The following GSE1 variants were observed in gnomAD, a reference collection of about 807,000 sequenced individuals.
The protein encoded by GSE1 is genetic suppressor element 1.
In GSE1, 32 loss-of-function variants were observed where a neutral mutation model predicts 112.6. That is an observed-to-expected ratio of 0.28 (90% CI 0.21 to 0.38). The LOEUF (loss-of-function observed/expected upper bound fraction) is 0.38. Ranked by LOEUF, GSE1 falls within the 10% of genes least tolerant of loss-of-function variation. The probability of loss-of-function intolerance (pLI) is 1.00; values close to 1 mark genes in which losing one functional copy is unlikely to be tolerated. For synonymous variants in GSE1, 1,115 were observed against 735.6 expected (o/e 1.52, Z -8.35); for missense variants, 2,348 against 1,699.2 (o/e 1.38, Z -6.71).
intron 1 of GSE1, among the ~76,000 whole-genome samples, chr16:85,566,114 G>A (rs2045736406): frequency 6.6e-6 from 1 of 152,202 alleles, no homozygotes; most frequent in Non-Finnish European, 1.5e-5. Flanking sequence ...AGAAGGGAGG[G>A]ACCAAGCGCT....
intron 2 of GSE1, among the ~76,000 whole-genome samples, chr16:85,359,135 G>T (rs187388693): frequency 6.6e-6 from 1 of 152,354 alleles, no homozygotes; most frequent in East Asian, 1.9e-4. Flanking sequence ...CTGGGTGGCA[G>T]CTCAGGCTGG....
At chr16:85,175,707 G>A (rs948596911) in intron 1 of GSE1, among the ~76,000 whole-genome samples, 13 of 152,190 alleles carry the variant, frequency 8.5e-5, no homozygotes, top group African/African-American at 4.8e-5. Flanking sequence ...TGTTGGGGGC[G>A]GCATTTGGGG....
chr16:85,374,525 CGTGTGT>C (rs995782310), intron 2 of GSE1, among the ~76,000 whole-genome samples: 20 of 142,488 alleles, frequency 1.4e-4, no homozygotes, highest in South Asian at 1.1e-3. Flanking sequence ...TCAGTGTGTG[CGTGTGT>C]GTGTGTGTGT....
chr16:85,316,285 A>G (rs2045984078), intron 1 of GSE1, among the ~76,000 whole-genome samples: 1 of 152,260 alleles, frequency 6.6e-6, no homozygotes, highest in Non-Finnish European at 1.5e-5. Context: ...TATCATTTCA[A>G]CATGTCATCA....
At chr16:85,654,490 G>A in intron 4 of GSE1, 40 bp downstream of exon 4, 9 of 1,518,564 alleles carry the variant, frequency 5.9e-6, no homozygotes, top group Non-Finnish European at 8.0e-6. Context: ...GTGGCCAGGT[G>A]GGGACACAGT....
At chr16:85,442,087 A>T (rs906818286) in intron 2 of GSE1, among the ~76,000 whole-genome samples, 4 of 152,178 alleles carry the variant, frequency 2.6e-5, no homozygotes, top group African/African-American at 9.7e-5. Context: ...TTTCTGCCTC[A>T]GGGCCTTTGC....
Position 85,372,756 on chromosome 16 carries a change from T to C in GSE1, c.2464+15113T>C, listed in dbSNP as rs543384081. Among the ~76,000 whole-genome samples, 7 of 152,288 alleles carry C rather than the reference T, an allele frequency of 4.6e-5. No individual in the cohort carries two copies. In the South Asian group the frequency reaches 1.5e-3, roughly 32 times the overall value. On this transcript the variant is annotated intron_variant, in intron 2 of 2. Coordinates refer to the GSE1 transcript ENST00000637419. ...AATGAGGATCCTAGCCGCCAGGATTTAGTGAGCACTTACTGTATACCAAGG... is the reference window on the plus strand; with the variant it reads ...AATGAGGATCCTAGCCGCCAGGATTCAGTGAGCACTTACTGTATACCAAGG...
chr16:85,175,596 G>A (rs779815266), intron 1 of GSE1, among the ~76,000 whole-genome samples: 25 of 152,198 alleles, frequency 1.6e-4, no homozygotes, highest in Non-Finnish European at 2.8e-4. Flanking sequence ...CTGCTGGCGC[G>A]ACGCTGGGTT....
intron 1 of GSE1, chr16:85,285,580 G>A (rs1284710365): frequency 2.0e-5 from 3 of 151,964 alleles, no homozygotes; most frequent in Admixed American, 1.3e-4. Flanking sequence ...TACGTGGGAG[G>A]CTGAGGCAGG....
Position 85,331,359 on chromosome 16 carries a change from G to GTATATATATATATA in GSE1, c.2284-26103_2284-26102insATATATATATATAT, listed in dbSNP as rs1192723319. 1.9e-3 allele frequency among the ~76,000 whole-genome samples: 102 copies of GTATATATATATATA among 54,490 alleles called. 5 individuals are homozygous for GTATATATATATATA. Among genetic ancestry groups the GTATATATATATATA allele is most frequent in the African/African-American group, 3.7e-3 (69 of 18,520 alleles). The allele number at this position is 54,490 out of a possible 152,430, so 35.7% of individuals were successfully genotyped here. Reference sequence around the variant, plus strand: ...TGTGTGTGTGTGTGTGTGTGTGTGTGTGTGTGTATATATGTATATATATGT... The same window carrying GTATATATATATATA: ...TGTGTGTGTGTGTGTGTGTGTGTGTGTATATATATATATATGTGTGTATATATGTATATATATGT... On this transcript the variant is annotated intron_variant, in intron 1 of 2. Coordinates refer to the GSE1 transcript ENST00000637419.
intron 2 of GSE1, among the ~76,000 whole-genome samples, chr16:85,480,725 G>A (rs1462224383): frequency 1.3e-5 from 2 of 152,078 alleles, no homozygotes; most frequent in Admixed American, 1.3e-4. Context: ...CTGAGAAGAT[G>A]TGGGGCCAGA....
chr16:85,463,515 G>A (rs2050036588), intron 2 of GSE1, among the ~76,000 whole-genome samples: 1 of 152,174 alleles, frequency 6.6e-6, no homozygotes, highest in East Asian at 1.9e-4. Context: ...AACCCTGGCA[G>A]GGCCCCTCGT....
At position 85,675,892 on chromosome 16, in the gene GSE1, A is replaced by G. The variant is rs978984012; in HGVS notation, c.*3353A>G. The G allele has an allele frequency of 6.6e-6, 1 of 152,474 alleles. No homozygotes were observed. Among genetic ancestry groups the G allele is most frequent in the South Asian group, 2.1e-4 (1 of 4,828 alleles). The allele number at this position is 152,474 out of a possible 1,614,324, so 9.4% of individuals were successfully genotyped here. A position where few individuals can be genotyped will look rare whatever the true frequency, so the allele number is the denominator to read the frequency against. On this transcript the variant is annotated 3_prime_UTR_variant, in exon 16 of 16. Transcript: ENST00000253458. ...TAGCCTGTCCCCAACTTTTCCATCCAGTGCTTAACCTAAAAAACTCCTTAA... is the reference window on the plus strand; with the variant it reads ...TAGCCTGTCCCCAACTTTTCCATCCGGTGCTTAACCTAAAAAACTCCTTAA...
At chr16:85,484,159 G>A (rs2050764678) in intron 2 of GSE1, among the ~76,000 whole-genome samples, 1 of 152,358 alleles carries the variant, frequency 6.6e-6, no homozygotes, top group South Asian at 2.1e-4. Flanking sequence ...ACCGCAGTGA[G>A]GTTTTTCCAT....
intron 1 of GSE1, among the ~76,000 whole-genome samples, chr16:85,263,261 T>A (rs1907901537): frequency 6.6e-6 from 1 of 152,176 alleles, no homozygotes; most frequent in Non-Finnish European, 1.5e-5. Flanking sequence ...CAAACCTTTT[T>A]TTTTTGGCTT....
chr16:85,614,032 G>A (rs1322925614), intron 1 of GSE1, among the ~76,000 whole-genome samples: 1 of 151,490 alleles, frequency 6.6e-6, no homozygotes, highest in Admixed American at 6.6e-5. Flanking sequence ...CCCCGGGCTC[G>A]GCCGCTTCTC....
intron 1 of GSE1, among the ~76,000 whole-genome samples, chr16:85,356,432 G>T (rs542061333): frequency 1.1e-4 from 17 of 152,348 alleles, no homozygotes; most frequent in African/African-American, 3.4e-4. Context: ...AGTGTTGCCA[G>T]GTCCCAGGAG....
At position 85,666,259 on chromosome 16, in the gene GSE1, G is replaced by A. The variant is rs377214877; in HGVS notation, c.3042G>A (p.Pro1014=). 2.0e-5 allele frequency: 32 copies of A among 1,613,756 alleles called. No individual in the cohort carries two copies. Among genetic ancestry groups the A allele is most frequent in the African/African-American group, 8.0e-5 (6 of 74,924 alleles). Residue 1014 remains proline, a synonymous_variant, in exon 13 of 16, where the codon CCG becomes CCA. Coordinates refer to ENST00000253458, the MANE Select transcript of GSE1 (RefSeq NM_014615.5). Reference sequence around the variant, plus strand: ...ACAGCACCAATGGGAAGAGCAAGCCGTGGGAGCCCTTTGTGGCAGAAGAGT... The same window carrying A: ...ACAGCACCAATGGGAAGAGCAAGCCATGGGAGCCCTTTGTGGCAGAAGAGT... The part of the protein sequence containing the change: ...LSHSTNGKSK[P]WEPFVAEEFA...
intron 1 of GSE1, among the ~76,000 whole-genome samples, chr16:85,343,516 A>G (rs1192992513): frequency 6.6e-6 from 1 of 152,174 alleles, no homozygotes; most frequent in Non-Finnish European, 1.5e-5. Context: ...TGGGAGGTTG[A>G]AGCAGGAAGG....
Sources: gnomAD v4.1 joint callset for allele counts (sites outside exome capture counted in the v4.1 genomes callset) on GRCh38, gnomAD v4.1.1 for gene constraint, MANE v1.5 for transcripts, NCBI Gene and HGNC (gene_info 2026-07-23, HGNC 2026-07-21) for gene names.